Variants in HELLS observed in about 807,000 individuals in gnomAD.
HELLS encodes the protein lymphoid-specific helicase.
HELLS carries 32 observed loss-of-function variants against 120.0 expected under a neutral mutation model. The ratio of observed to expected loss-of-function variants is 0.27; its 90% CI spans 0.20 to 0.36. The LOEUF is 0.36. Ranked by LOEUF, HELLS falls within the 10% of genes least tolerant of loss-of-function variation. HELLS has a pLI of 1.00. For missense variants in HELLS, 650 were observed against 993.4 expected, an observed-to-expected ratio of 0.65 and a Z score of 4.65; for synonymous variants, 341 against 323.4, an observed-to-expected ratio of 1.05 and a Z score of -0.58.
Position 94,546,645 on chromosome 10 carries a change from T to C in HELLS, c.153+147T>C, listed in dbSNP as rs573764057. The C allele has an allele frequency of 9.2e-6, 8 of 870,106 alleles. No individual in the cohort carries two copies. In the South Asian group the frequency reaches 1.3e-4, roughly 14 times the overall value. The allele number at this position is 870,106 out of a possible 1,614,324, so 53.9% of individuals were successfully genotyped here. ...AGCTTTATTACTTGTCTTTTTTGTA[T>C]GTTTACAGATATTGCCTTTGAGAAT... On this transcript the variant is annotated intron_variant, in intron 2 of 21. Coordinates refer to ENST00000348459, the MANE Select transcript of HELLS (RefSeq NM_018063.5).
intron 3 of HELLS, among the ~76,000 whole-genome samples, 178 bp downstream of exon 3, chr10:94,554,426 C>T (rs1473668407): frequency 6.6e-6 from 1 of 152,146 alleles, no homozygotes; most frequent in African/African-American, 2.4e-5. Flanking sequence ...AGTGCACTTC[C>T]ATGAACTCCA....
At chr10:94,550,002 C>T (rs940274401) in intron 2 of HELLS, among the ~76,000 whole-genome samples, 7 of 152,106 alleles carry the variant, frequency 4.6e-5, no homozygotes, top group African/African-American at 1.7e-4. Flanking sequence ...CTCACTGCAA[C>T]CTCTGCCTCC....
At position 94,590,755 on chromosome 10, in the gene HELLS, C is replaced by T. The variant is rs748000028; in HGVS notation, c.1746C>T (p.Asp582=). 10 of 1,537,148 alleles carry T rather than the reference C, an allele frequency of 6.5e-6. No individual in the cohort carries two copies. The highest frequency in any genetic ancestry group is 8.9e-6 in the Non-Finnish European group (10 of 1,123,640). ...NHPYLIEYPI[D]PVTQEFKIDE... is the part of the protein sequence containing the mutation. ...CATATTTGATTGAATATCCTATAGA[C>T]CCTGTTACACAAGAATTTAAGGTGA... The change falls in exon 15 of 22, where the codon GAC becomes GAT. Residue 582 remains aspartate, a synonymous_variant. Transcript: ENST00000348459.
At chr10:94,577,163 T>C in intron 10 of HELLS, 1 of 393,978 alleles carries the variant, frequency 2.5e-6, no homozygotes, top group Non-Finnish European at 4.8e-6. Context: ...AGACAAGTTA[T>C]TTTTAGAGTA....
rs1245640265 is a variant in HELLS at position 94,576,792 on chromosome 10, G to A, written c.1019G>A (p.Arg340Gln). The part of the protein sequence containing the change: ...ITSFEIAMRD[R>Q]NALQHCYWKY... ...TCATTTGAAATAGCCATGAGAGACCGAAATGCGTTACAGGTACAAATGATC... is the reference window on the plus strand; with the variant it reads ...TCATTTGAAATAGCCATGAGAGACCAAAATGCGTTACAGGTACAAATGATC... Residue 340 changes from arginine (R) to glutamine (Q), a missense_variant, in exon 10 of 22, where the codon CGA (arginine) becomes CAA (glutamine). Coordinates refer to ENST00000348459, the MANE Select transcript of HELLS (RefSeq NM_018063.5). 8 of 1,606,456 alleles carry A rather than the reference G, an allele frequency of 5.0e-6. No individual in the cohort carries two copies. The highest frequency in any genetic ancestry group is 6.8e-6 in the Non-Finnish European group (8 of 1,176,942).
chr10:94,580,176 CA>C, intron 10 of HELLS, among the ~76,000 whole-genome samples: 1 of 120,186 alleles, frequency 8.3e-6, no homozygotes, highest in Non-Finnish European at 1.7e-5. Context: ...CACACACACA[CA>C]CACACACATT....
At chr10:94,551,098 A>G (rs1842961637) in intron 2 of HELLS, 2 of 152,178 alleles carry the variant, frequency 1.3e-5, no homozygotes, top group African/African-American at 4.8e-5. Flanking sequence ...GTAATAGTAA[A>G]AGAAATTCTG....
intron 2 of HELLS, among the ~76,000 whole-genome samples, chr10:94,550,332 G>A (rs1443768833): frequency 6.6e-6 from 1 of 152,016 alleles, no homozygotes; most frequent in Non-Finnish European, 1.5e-5. Flanking sequence ...AGGCTGGAGT[G>A]CAGTGGCGTG....
At chr10:94,557,285 G>T in intron 3 of HELLS, 3 of 265,684 alleles carry the variant, frequency 1.1e-5, no homozygotes, top group Non-Finnish European at 2.4e-5. Flanking sequence ...TGCTGTATTT[G>T]TCAAATCTCC....
At chr10:94,611,082 A>G (rs1468826894) in exon 10 of HELLS, 2 of 152,196 alleles carry the variant, frequency 1.3e-5, no homozygotes, top group Non-Finnish European at 2.9e-5. Context: ...CACAACATGT[A>G]TTTCTCTGAG....
intron 15 of HELLS, 114 bp downstream of exon 15, chr10:94,590,890 A>G: frequency 1.7e-6 from 1 of 574,822 alleles, no homozygotes; most frequent in Non-Finnish European, 2.8e-6. Flanking sequence ...GCTATTTGTC[A>G]TGAAGATTGT....
intron 4 of HELLS, among the ~76,000 whole-genome samples, chr10:94,559,034 CACTT>C (rs1843416201): frequency 6.6e-6 from 1 of 152,168 alleles, no homozygotes; most frequent in African/African-American, 2.4e-5. Flanking sequence ...TTCGCCTACT[CACTT>C]ACATTTATTT....
intron 10 of HELLS, among the ~76,000 whole-genome samples, chr10:94,579,180 C>T (rs1327574103): frequency 6.6e-6 from 1 of 150,440 alleles, no homozygotes; most frequent in African/African-American, 2.4e-5. Flanking sequence ...TGTAATTCTA[C>T]CTGAGAACTA....
At chr10:94,548,827 C>G (rs1182819064) in intron 2 of HELLS, among the ~76,000 whole-genome samples, 2 of 152,028 alleles carry the variant, frequency 1.3e-5, no homozygotes, top group Non-Finnish European at 1.5e-5. Context: ...AACCCCGTCT[C>G]TACTAAAAAT....
chr10:94,607,263 A>G (rs766643113), intron 8 of HELLS, among the ~76,000 whole-genome samples: 7 of 151,952 alleles, frequency 4.6e-5, no homozygotes, highest in Non-Finnish European at 8.8e-5. Flanking sequence ...CCTCTATCTA[A>G]CACTGATACT....
chr10:94,554,081 A>G, intron 2 of HELLS, 45 bp from the exon 3 acceptor site: 2 of 1,506,794 alleles, frequency 1.3e-6, no homozygotes, highest in Non-Finnish European at 1.8e-6. Context: ...AAATTAAGGT[A>G]TGTCAGAAAG....
intron 6 of HELLS, among the ~76,000 whole-genome samples, chr10:94,568,845 C>CTTT (rs35081827): frequency 6.8e-6 from 1 of 146,928 alleles, no homozygotes; most frequent in Non-Finnish European, 1.5e-5. Flanking sequence ...ACCTTTATCA[C>CTTT]TTTTTTTTTT....
chr10:94,601,446 A>G, intron 21 of HELLS, 82 bp from the exon 22 acceptor site: 2 of 770,156 alleles, frequency 2.6e-6, no homozygotes, highest in Non-Finnish European at 2.2e-6. Context: ...CTCACTTCTC[A>G]TAACATCATA....
chr10:94,576,306 C>G (rs1844477994), intron 9 of HELLS, among the ~76,000 whole-genome samples: 1 of 152,146 alleles, frequency 6.6e-6, no homozygotes, highest in Non-Finnish European at 1.5e-5. Flanking sequence ...GTGCGTACCA[C>G]CACACCAGCT....
Sources: allele counts gnomAD v4.1 joint callset (sites outside exome capture counted in the v4.1 genomes callset), GRCh38; gene constraint gnomAD v4.1.1; transcripts MANE v1.5; gene names NCBI Gene and HGNC (gene_info 2026-07-23, HGNC 2026-07-21).